The following CNTNAP5 variants were observed in gnomAD, a reference collection of about 807,000 sequenced individuals.
CNTNAP5 encodes the protein contactin associated protein family member 5.
Under a neutral mutation model 150.2 loss-of-function variants are expected in CNTNAP5, and 72 were observed. The ratio of observed to expected loss-of-function variants is 0.48; its 90% confidence interval spans 0.40 to 0.58. The LOEUF is 0.58. Among genes scored for constraint, CNTNAP5 ranks in the 20% least tolerant of loss-of-function variants. CNTNAP5 has a pLI of 0.00. For missense variants in CNTNAP5, 1,636 were observed against 1,626.2 expected (o/e 1.01, Z -0.10); for synonymous variants, 672 against 619.8 (o/e 1.08, Z -1.25).
chr2:124,797,048 G>A (rs946453474), intron 18 of CNTNAP5, among the ~76,000 whole-genome samples: 2 of 152,196 alleles, frequency 1.3e-5, no homozygotes, highest in Non-Finnish European at 2.9e-5. Flanking sequence ...CACTCTGTAA[G>A]TTCAAACTGT....
intron 1 of CNTNAP5, among the ~76,000 whole-genome samples, chr2:124,029,649 T>C (rs1204863660): frequency 7.9e-5 from 12 of 152,130 alleles, no homozygotes; most frequent in Admixed American, 7.9e-4. Context: ...ATTGCAGTTT[T>C]CTTTCTTTTT....
chr2:124,389,614 CA>C (rs545729603), intron 3 of CNTNAP5, among the ~76,000 whole-genome samples: 37 of 152,288 alleles, frequency 2.4e-4, no homozygotes, highest in African/African-American at 8.7e-4. Flanking sequence ...CTGCCTTCCA[CA>C]AGTAGTAGAG....
At chr2:124,554,047 G>A (rs1405986771) in intron 10 of CNTNAP5, among the ~76,000 whole-genome samples, 4 of 152,136 alleles carry the variant, frequency 2.6e-5, no homozygotes, top group Non-Finnish European at 4.4e-5. Context: ...TTAAAAAAGT[G>A]ATGTCGAATT....
chr2:124,261,972 G>A (rs1039511528), intron 3 of CNTNAP5, among the ~76,000 whole-genome samples: 3 of 152,112 alleles, frequency 2.0e-5, no homozygotes, highest in Non-Finnish European at 2.9e-5. Flanking sequence ...CAGCTGGTTC[G>A]GTGGCTCATG....
intron 3 of CNTNAP5, among the ~76,000 whole-genome samples, chr2:124,354,752 T>G (rs1689956237): frequency 6.6e-6 from 1 of 152,258 alleles, no homozygotes; most frequent in Admixed American, 6.5e-5. Context: ...GGACAAAACA[T>G]GATCTTAGTT....
chr2:124,574,665 G>C (rs796924260), intron 11 of CNTNAP5, among the ~76,000 whole-genome samples: 63 of 152,324 alleles, frequency 4.1e-4, no homozygotes, highest in African/African-American at 1.4e-3. Context: ...AGTAATAAGA[G>C]TAGTGAGCAA....
intron 1 of CNTNAP5, among the ~76,000 whole-genome samples, chr2:124,117,627 A>T (rs1683458926): frequency 6.6e-6 from 1 of 152,162 alleles, no homozygotes; most frequent in Admixed American, 6.6e-5. Context: ...AGTACTCAGT[A>T]AAAAAAGCCT....
At chr2:124,169,694 A>AATT (rs1267921818) in intron 1 of CNTNAP5, among the ~76,000 whole-genome samples, 1 of 152,286 alleles carries the variant, frequency 6.6e-6, no homozygotes, top group Non-Finnish European at 1.5e-5. Context: ...CCCAATTATT[A>AATT]ATTATTATTG....
At chr2:124,224,365 A>G (rs1244822460) in intron 2 of CNTNAP5, among the ~76,000 whole-genome samples, 5 of 152,208 alleles carry the variant, frequency 3.3e-5, no homozygotes, top group Middle Eastern at 3.4e-3. Context: ...ACAATTACAA[A>G]CTGTGATACT....
chr2:124,865,234 G>C, intron 19 of CNTNAP5, 72 bp from the exon 20 acceptor site: 1 of 1,247,680 alleles, frequency 8.0e-7, no homozygotes, highest in Non-Finnish European at 1.1e-6. Flanking sequence ...TCAATTAAAA[G>C]ATAATCTGAT....
intron 1 of CNTNAP5, among the ~76,000 whole-genome samples, chr2:124,052,496 G>A (rs1001186894): frequency 3.9e-5 from 6 of 152,216 alleles, no homozygotes; most frequent in Admixed American, 2.6e-4. Flanking sequence ...AAGCAGAGAG[G>A]AAGGGTAAAT....
chr2:124,450,070 C>T (rs1363117145), intron 6 of CNTNAP5, among the ~76,000 whole-genome samples: 2 of 152,192 alleles, frequency 1.3e-5, no homozygotes, highest in South Asian at 2.1e-4. Flanking sequence ...TTTATCACAA[C>T]GTTGCATATC....
At chr2:124,380,256 A>G (rs1171668980) in intron 3 of CNTNAP5, among the ~76,000 whole-genome samples, 2 of 149,328 alleles carry the variant, frequency 1.3e-5, no homozygotes, top group African/African-American at 4.8e-5. Context: ...GCCATCTTAT[A>G]GAATAAGAAA....
rs1451011711 is a variant in CNTNAP5 at position 124,920,530 on chromosome 2, C to T, written c.*6242C>T. On this transcript the variant is annotated 3_prime_UTR_variant, in exon 24 of 24. Coordinates refer to ENST00000682447, the MANE Select transcript of CNTNAP5 (RefSeq NM_001367498.1). Reference sequence around the variant, plus strand: ...AACTTTGCTTAAAGCAGCATAGTTACATTGAGAAAGAGACTGCCTTTAGTG... The same window carrying T: ...AACTTTGCTTAAAGCAGCATAGTTATATTGAGAAAGAGACTGCCTTTAGTG... Among the ~76,000 whole-genome samples, 1 of 152,148 alleles carries T rather than the reference C, an allele frequency of 6.6e-6. No homozygotes were observed. The highest frequency in any genetic ancestry group is 1.5e-5 in the Non-Finnish European group (1 of 68,010).
At chr2:124,563,656 TG>T (rs779188535) in intron 11 of CNTNAP5, among the ~76,000 whole-genome samples, 31 of 152,200 alleles carry the variant, frequency 2.0e-4, no homozygotes, top group Non-Finnish European at 3.5e-4. Flanking sequence ...CTTGATGAGT[TG>T]TTAGGTGGCT....
chr2:124,599,838 G>T (rs541633662), intron 11 of CNTNAP5, among the ~76,000 whole-genome samples: 6 of 151,444 alleles, frequency 4.0e-5, no homozygotes, highest in Non-Finnish European at 8.8e-5. Flanking sequence ...ATGGGTTGGG[G>T]GGAGCTCCTT....
intron 11 of CNTNAP5, among the ~76,000 whole-genome samples, chr2:124,578,991 A>T (rs1390305368): frequency 6.6e-6 from 1 of 152,186 alleles, no homozygotes; most frequent in Non-Finnish European, 1.5e-5. Context: ...TTTATTTGTG[A>T]AAGATTTTTC....
intron 11 of CNTNAP5, among the ~76,000 whole-genome samples, chr2:124,564,055 A>G (rs1695953334): frequency 6.6e-6 from 1 of 152,208 alleles, no homozygotes; most frequent in Non-Finnish European, 1.5e-5. Context: ...TGTTAGGGAG[A>G]CTTCAAATAG....
chr2:124,286,933 T>C (rs1372748034), intron 3 of CNTNAP5, among the ~76,000 whole-genome samples: 2 of 152,152 alleles, frequency 1.3e-5, no homozygotes, highest in Non-Finnish European at 2.9e-5. Flanking sequence ...TACCCAAGTT[T>C]AATACCCACA....
Sources: allele counts gnomAD v4.1 joint callset (sites outside exome capture counted in the v4.1 genomes callset), GRCh38; gene constraint gnomAD v4.1.1; transcripts MANE v1.5; gene names NCBI Gene and HGNC (gene_info 2026-07-23, HGNC 2026-07-21).